The following FAM135B variants were observed in gnomAD, a reference collection of about 807,000 sequenced individuals.
The protein encoded by FAM135B is family with sequence similarity 135 member B.
In FAM135B, 43 loss-of-function variants were observed where a neutral mutation model predicts 127.7. The ratio of observed to expected loss-of-function variants is 0.34; its 90% CI spans 0.26 to 0.43. FAM135B has a LOEUF of 0.43. FAM135B is among the 20% of genes least tolerant of loss of function. The pLI, the probability that FAM135B is intolerant of heterozygous loss-of-function variation, is 1.00. For missense variants in FAM135B, 1,558 were observed against 1,725.6 expected (o/e 0.90, Z 1.72); for synonymous variants, 670 against 665.1 (o/e 1.01, Z -0.11).
At position 138,131,038 on chromosome 8, in the gene FAM135B, T is replaced by A. The variant is rs1303952712; in HGVS notation, c.*1555A>T. ...GTCTACACTCCTGCAAAGCTGCCCA[T>A]CTGGACTCATTCCCATGGTCTGCTT... is the stretch of plus-strand genomic sequence containing the variant. On this transcript the variant is annotated 3_prime_UTR_variant, in exon 20 of 20. Transcript: ENST00000395297. 2.0e-5 allele frequency: 3 copies of A among 152,232 alleles called. No homozygotes were observed. The highest frequency in any genetic ancestry group is 7.2e-5 in the African/African-American group (3 of 41,464). 9.4% of individuals were successfully genotyped at this position (152,232 alleles called of 1,614,324 possible). A position where few individuals can be genotyped will look rare whatever the true frequency, so the allele number is the denominator to read the frequency against.
intron 1 of FAM135B, among the ~76,000 whole-genome samples, chr8:138,421,534 A>T (rs750614509): frequency 3.3e-5 from 5 of 152,008 alleles, no homozygotes; most frequent in Non-Finnish European, 7.3e-5. Flanking sequence ...AATCCCATTC[A>T]CAATAGTCAC....
intron 2 of FAM135B, among the ~76,000 whole-genome samples, chr8:138,336,355 T>G (rs573622203): frequency 9.7e-4 from 147 of 151,718 alleles, no homozygotes; most frequent in African/African-American, 3.4e-3. Flanking sequence ...TTGATAGACC[T>G]CTAGCAAGAC....
intron 12 of FAM135B, among the ~76,000 whole-genome samples, chr8:138,163,689 C>T (rs186275043): frequency 5.3e-5 from 8 of 152,240 alleles, no homozygotes; most frequent in Admixed American, 5.2e-4. Flanking sequence ...AACTGTGAGT[C>T]CATTAAACCT....
At chr8:138,156,410 T>A (rs1818749017) in intron 12 of FAM135B, among the ~76,000 whole-genome samples, 1 of 151,940 alleles carries the variant, frequency 6.6e-6, no homozygotes, top group Non-Finnish European at 1.5e-5. Context: ...GCAAACACAT[T>A]CAAAAGCTAG....
chr8:138,402,782 T>TGAGGAAATGAGC (rs1440509492), intron 1 of FAM135B, among the ~76,000 whole-genome samples: 1 of 152,146 alleles, frequency 6.6e-6, no homozygotes, highest in Non-Finnish European at 1.5e-5. Context: ...TTAGAATTTG[T>TGAGGAAATGAGC]GAGGAAATGA....
At position 138,496,933 on chromosome 8, in the gene FAM135B, C is replaced by G. The variant is rs577174558; in HGVS notation, c.-282G>C. The stretch of plus-strand genomic sequence containing the variant: ...GTTATGGAACCCCGCAACTGCCCCC[C>G]TCTCCGTGCAACAGCTGCCCGGCCG... On this transcript the variant is annotated 5_prime_UTR_variant, in exon 1 of 20. Transcript: ENST00000395297. The G allele has an allele frequency of 1.3e-5, 2 of 152,234 alleles. No individual in the cohort carries two copies. Among genetic ancestry groups the G allele is most frequent in the African/African-American group, 2.4e-5 (1 of 41,546 alleles). 9.4% of individuals were successfully genotyped at this position (152,234 alleles called of 1,614,324 possible).
At chr8:138,391,160 C>A (rs936584219) in intron 1 of FAM135B, among the ~76,000 whole-genome samples, 2 of 143,066 alleles carry the variant, frequency 1.4e-5, no homozygotes, top group Admixed American at 7.1e-5. Context: ...GAATCCCTGT[C>A]CTCCCATTAA....
intron 13 of FAM135B, among the ~76,000 whole-genome samples, chr8:138,149,573 C>T (rs995026898): frequency 1.1e-4 from 17 of 152,182 alleles, no homozygotes; most frequent in South Asian, 4.1e-4. Context: ...GGGGACTGGA[C>T]TCTGGAGTCA....
At chr8:138,200,361 C>T (rs942324937) in intron 7 of FAM135B, among the ~76,000 whole-genome samples, 10 of 152,126 alleles carry the variant, frequency 6.6e-5, no homozygotes, top group African/African-American at 2.4e-4. Context: ...AGGTTTAATA[C>T]AGAGAAGCCA....
chr8:138,397,282 C>T (rs1563967233), intron 1 of FAM135B, among the ~76,000 whole-genome samples: 2 of 152,188 alleles, frequency 1.3e-5, no homozygotes, highest in African/African-American at 4.8e-5. Flanking sequence ...TGAAAGAAGT[C>T]AGCAGAGAAG....
At chr8:138,155,600 G>T (rs1328526586) in intron 12 of FAM135B, among the ~76,000 whole-genome samples, 2 of 152,004 alleles carry the variant, frequency 1.3e-5, no homozygotes, top group African/African-American at 4.8e-5. Context: ...GATGGAGGAA[G>T]ATCTACCAAG....
chr8:138,300,036 C>T lies in FAM135B; in HGVS notation c.157+10805G>A, dbSNP rs372878994. Among the ~76,000 whole-genome samples, 46 of 152,106 alleles carry T rather than the reference C, an allele frequency of 3.0e-4. 2 individuals carry two copies. Among genetic ancestry groups the T allele is most frequent in the African/African-American group, 1.1e-3 (45 of 41,488 alleles). ...AGGCTGGAGTGCGGTGGCAAGATCTCGGCTCACTGCAGCCTCCACATCCCG... is the reference window on the plus strand; with the variant it reads ...AGGCTGGAGTGCGGTGGCAAGATCTTGGCTCACTGCAGCCTCCACATCCCG... On this transcript the variant is annotated intron_variant, in intron 3 of 19. Transcript: ENST00000395297.
chr8:138,138,808 A>T (rs563134695), intron 18 of FAM135B, among the ~76,000 whole-genome samples, 178 bp downstream of exon 18: 43 of 152,356 alleles, frequency 2.8e-4, no homozygotes, highest in Middle Eastern at 3.4e-3. Context: ...AATGGGCAAG[A>T]GGAGCTGAGT....
At chr8:138,168,213 T>C (rs901603857) in intron 11 of FAM135B, among the ~76,000 whole-genome samples, 164 bp from the exon 12 acceptor site, 2 of 152,194 alleles carry the variant, frequency 1.3e-5, no homozygotes, top group East Asian at 1.9e-4. Flanking sequence ...CCCAGAGCCA[T>C]AGTCTGCTTT....
intron 7 of FAM135B, among the ~76,000 whole-genome samples, chr8:138,226,309 A>T: frequency 6.6e-6 from 1 of 152,080 alleles, no homozygotes; most frequent in Non-Finnish European, 1.5e-5. Context: ...ACCTGCCCTC[A>T]TAGAACACAG....
At chr8:138,203,005 G>A (rs1385818707) in intron 7 of FAM135B, among the ~76,000 whole-genome samples, 1 of 152,202 alleles carries the variant, frequency 6.6e-6, no homozygotes, top group Non-Finnish European at 1.5e-5. Context: ...GTTTCCTAAT[G>A]AGGAAAGTCA....
chr8:138,213,284 C>T (rs569824807), intron 7 of FAM135B, among the ~76,000 whole-genome samples: 4 of 152,142 alleles, frequency 2.6e-5, no homozygotes, highest in East Asian at 3.9e-4. Flanking sequence ...TTAAGTGCAC[C>T]GTACGATCAC....
intron 1 of FAM135B, among the ~76,000 whole-genome samples, chr8:138,468,047 TAAAG>T (rs1253981927): frequency 9.9e-5 from 15 of 152,172 alleles, no homozygotes; most frequent in Admixed American, 8.5e-4. Flanking sequence ...CATGCGCTGA[TAAAG>T]AAAATATGAC....
At chr8:138,166,895 G>C (rs893619338) in intron 12 of FAM135B, among the ~76,000 whole-genome samples, 2 of 152,036 alleles carry the variant, frequency 1.3e-5, no homozygotes, top group Non-Finnish European at 2.9e-5. Flanking sequence ...CTCGCTGAGT[G>C]CTTCCATACT....
Sources: allele counts gnomAD v4.1 joint callset (sites outside exome capture counted in the v4.1 genomes callset), GRCh38; gene constraint gnomAD v4.1.1; transcripts MANE v1.5; gene names NCBI Gene and HGNC (gene_info 2026-07-23, HGNC 2026-07-21).